Variants in FBN1 observed in about 807,000 individuals in gnomAD.
FBN1 encodes the protein fibrillin 1.
Under a neutral mutation model 365.1 loss-of-function variants are expected in FBN1, and 29 were observed. The ratio of observed to expected loss-of-function variants is 0.08; its 90% CI spans 0.06 to 0.11. The LOEUF (loss-of-function observed/expected upper bound fraction) is 0.11, where lower values mean the gene tolerates loss of function less well. FBN1 is among the 10% of genes least tolerant of loss of function. The pLI is 1.00. For synonymous variants in FBN1, 1,210 were observed against 1,270.5 expected, an observed-to-expected ratio of 0.95 and a Z score of 1.01; for missense variants, 2,476 against 3,703.2, an observed-to-expected ratio of 0.67 and a Z score of 8.60.
chr15:48,446,946 T>A, intron 46 of FBN1, 124 bp from the exon 47 acceptor site: 1 of 693,340 alleles, frequency 1.4e-6, no homozygotes, highest in Non-Finnish European at 2.6e-6. Context: ...AACTTCTTGA[T>A]GTTGGTATCA....
rs2042844169 is a variant in FBN1 at position 48,409,579 on chromosome 15, A to T, written c.*1411T>A. ...AGACTTTAAAAATTATGACATTAAG[A>T]AACCAAAAGTTACAGCAATTGGATA... On this transcript the variant is annotated 3_prime_UTR_variant, in exon 66 of 66. Coordinates refer to ENST00000316623, the MANE Select transcript of FBN1 (RefSeq NM_000138.5). 6.6e-6 allele frequency: 1 copy of T among 152,212 alleles called. No homozygotes were observed. The highest frequency in any genetic ancestry group is 6.5e-5 in the Admixed American group (1 of 15,276). The allele number at this position is 152,212 out of a possible 1,614,324, so 9.4% of individuals were successfully genotyped here. A position where few individuals can be genotyped will look rare whatever the true frequency, so the allele number is the denominator to read the frequency against.
intron 38 of FBN1, among the ~76,000 whole-genome samples, chr15:48,466,931 T>C (rs549939910): frequency 3.9e-5 from 6 of 152,150 alleles, no homozygotes; most frequent in Non-Finnish European, 4.4e-5. Context: ...CAAGCAGAAC[T>C]GACCTCCCTT....
At chr15:48,436,854 C>T (rs1435188914) in intron 53 of FBN1, 107 bp downstream of exon 53, 3 of 802,976 alleles carry the variant, frequency 3.7e-6, no homozygotes, top group Non-Finnish European at 6.8e-6. Context: ...ATGGATAAAA[C>T]TTATTTCAGT....
At chr15:48,511,183 C>CTG (rs776383341) in intron 13 of FBN1, among the ~76,000 whole-genome samples, 2 of 152,154 alleles carry the variant, frequency 1.3e-5, no homozygotes, top group Non-Finnish European at 2.9e-5. Flanking sequence ...ACTGTTTACC[C>CTG]TGTGTCTGTG....
intron 2 of FBN1, among the ~76,000 whole-genome samples, chr15:48,637,915 T>C (rs1248758962): frequency 2.0e-5 from 3 of 152,212 alleles, no homozygotes; most frequent in Non-Finnish European, 4.4e-5. Context: ...TACTCCACTC[T>C]GCTGCTGTAG....
At chr15:48,616,129 A>G (rs538948937) in intron 2 of FBN1, among the ~76,000 whole-genome samples, 1 of 152,342 alleles carries the variant, frequency 6.6e-6, no homozygotes, top group Non-Finnish European at 1.5e-5. Context: ...TCATTAGTGC[A>G]TCACATTTTC....
chr15:48,494,068 T>G, intron 23 of FBN1, 136 bp downstream of exon 23: 2 of 723,522 alleles, frequency 2.8e-6, no homozygotes, highest in Non-Finnish European at 4.9e-6. Context: ...CTGTTCCGTT[T>G]TGTAGTTCTC....
chr15:48,482,627 TA>T (rs2043473974), intron 31 of FBN1, among the ~76,000 whole-genome samples: 2 of 152,084 alleles, frequency 1.3e-5, no homozygotes, highest in African/African-American at 4.8e-5. Context: ...CTGAGGTAGT[TA>T]GGGTTCATAG....
At chr15:48,505,853 G>T (rs191752372) in intron 15 of FBN1, among the ~76,000 whole-genome samples, 1 of 152,274 alleles carries the variant, frequency 6.6e-6, no homozygotes, top group African/African-American at 2.4e-5. Flanking sequence ...ATAGCAGAGG[G>T]TTTTTTCCCC....
At chr15:48,477,946 TC>T (rs1195541629) in intron 32 of FBN1, among the ~76,000 whole-genome samples, 1 of 152,146 alleles carries the variant, frequency 6.6e-6, no homozygotes, top group East Asian at 1.9e-4. Flanking sequence ...TCTGGGTATG[TC>T]CCATGCAAGT....
chr15:48,516,245 C>T lies in FBN1; in HGVS notation c.1265G>A (p.Gly422Glu), dbSNP rs139968089. 5.0e-5 allele frequency: 81 copies of T among 1,613,442 alleles called. No individual in the cohort carries two copies. The African/African-American group carries it at 1.0e-3, about 21-fold the overall frequency. ...TGGTCGAGGGACCGGAATTTGAGGT[C>T]CAGGAGGAAAGCCAGGAGGAACAGG... Reference protein sequence around the residue: ...VLPVPPGFPPGPQIPVPRPPV... With the variant: ...VLPVPPGFPPEPQIPVPRPPV... The change falls in exon 11 of 66, where the codon GGA (glycine) becomes GAA (glutamate). Residue 422 changes from glycine to glutamate, a missense_variant. Coordinates refer to ENST00000316623, the MANE Select transcript of FBN1 (RefSeq NM_000138.5).
chr15:48,489,491 T>C (rs944660893), intron 25 of FBN1, among the ~76,000 whole-genome samples: 5 of 152,162 alleles, frequency 3.3e-5, no homozygotes, highest in African/African-American at 1.2e-4. Flanking sequence ...AATTTCTACA[T>C]GTAAGACAGA....
chr15:48,505,800 T>A (rs752564751), intron 15 of FBN1, among the ~76,000 whole-genome samples: 1 of 152,248 alleles, frequency 6.6e-6, no homozygotes, highest in African/African-American at 2.4e-5. Context: ...ATGTGTATAC[T>A]TAAGGAGGTC....
chr15:48,526,362 C>A, intron 8 of FBN1, 107 bp from the exon 9 acceptor site: 1 of 1,236,538 alleles, frequency 8.1e-7, no homozygotes, highest in South Asian at 1.3e-5. Context: ...TCCCTGGAAA[C>A]AGCCATCATT....
In FBN1 at chr15:48,537,746, C is replaced by T. The variant is rs748358548; in HGVS notation, c.601G>A (p.Gly201Arg). 8.1e-6 allele frequency: 13 copies of T among 1,614,208 alleles called. No homozygotes were observed. The highest frequency in any genetic ancestry group is 6.7e-5 in the East Asian group (3 of 44,876). Residue 201 changes from glycine (G) to arginine (R), a missense_variant, in exon 7 of 66, where the codon GGG (glycine) becomes AGG (arginine). By Grantham distance (125) the Gly-to-Arg change is moderately radical (BLOSUM62 -2). Around this residue, in one of 5 missense-constraint regions of FBN1, gnomAD observed 421 missense variants for 520.1 expected, o/e 0.81. Transcript: ENST00000316623. The part of the protein sequence containing the change: ...SNQMCQGQLS[G>R]IVCTKTLCCA... ...CAGAGCGTTTTTGTGCAGACAATCC[C>T]GCTGAGTTGTCCCTGGCACATCTGG...
At chr15:48,604,978 G>A (rs908791108) in intron 4 of FBN1, among the ~76,000 whole-genome samples, 1 of 152,302 alleles carries the variant, frequency 6.6e-6, no homozygotes, top group African/African-American at 2.4e-5. Context: ...ACCGGTGTCC[G>A]AGAGGTTTTG....
intron 8 of FBN1, chr15:48,529,361 T>C (rs1241383314): frequency 6.6e-6 from 1 of 152,608 alleles, no homozygotes; most frequent in African/African-American, 2.4e-5. Context: ...ACCTGTCCTT[T>C]GTTTCTGCTC....
At chr15:48,592,262 C>T (rs2044483373) in intron 6 of FBN1, among the ~76,000 whole-genome samples, 1 of 152,078 alleles carries the variant, frequency 6.6e-6, no homozygotes, top group African/African-American at 2.4e-5. Context: ...TCATCACACC[C>T]CACCCCCATC....
chr15:48,631,205 C>G (rs1011116035), intron 2 of FBN1, among the ~76,000 whole-genome samples: 1 of 151,970 alleles, frequency 6.6e-6, no homozygotes, highest in East Asian at 1.9e-4. Flanking sequence ...TTTTCAATTT[C>G]TCAAGAGAAA....
Sources: gnomAD v4.1 joint callset for allele counts (sites outside exome capture counted in the v4.1 genomes callset) on GRCh38, gnomAD v4.1.1 for gene constraint, gnomAD v4.1.1 regional missense constraint, MANE v1.5 for transcripts, NCBI Gene and HGNC (gene_info 2026-07-23, HGNC 2026-07-21) for gene names.